SLC39A11: variants seen among roughly 807,000 people sequenced by gnomAD.
The protein encoded by SLC39A11 is zinc transporter ZIP11.
SLC39A11 carries 33 observed loss-of-function variants against 36.1 expected under a neutral mutation model. The observed-to-expected ratio is 0.91, with a 90% CI of 0.69 to 1.22. The LOEUF (loss-of-function observed/expected upper bound fraction) is 1.22. Ranked by LOEUF, SLC39A11 falls within the 50% of genes most tolerant of loss-of-function variation. The pLI is 0.00. For missense variants in SLC39A11, 432 were observed against 430.3 expected (o/e 1.00, Z -0.03); for synonymous variants, 166 against 170.3 (o/e 0.97, Z 0.20).
At chr17:72,796,836 C>T (rs1341630867) in intron 6 of SLC39A11, among the ~76,000 whole-genome samples, 1 of 152,124 alleles carries the variant, frequency 6.6e-6, no homozygotes, top group South Asian at 2.1e-4. Flanking sequence ...CTGTGAAGTG[C>T]TAAGTATGCA....
intron 3 of SLC39A11, among the ~76,000 whole-genome samples, chr17:73,037,549 G>C (rs1360748506): frequency 6.6e-6 from 1 of 152,212 alleles, no homozygotes; most frequent in African/African-American, 2.4e-5. Flanking sequence ...CATAGCCCCG[G>C]ATGGTAGAGA....
At chr17:72,693,173 G>A (rs2072110825) in intron 7 of SLC39A11, among the ~76,000 whole-genome samples, 1 of 152,220 alleles carries the variant, frequency 6.6e-6, no homozygotes, top group East Asian at 1.9e-4. Context: ...TCAAAAGGCT[G>A]AGCCCTCATG....
chr17:72,815,333 G>T (rs1014662949), intron 6 of SLC39A11, among the ~76,000 whole-genome samples: 1 of 152,206 alleles, frequency 6.6e-6, no homozygotes, highest in Non-Finnish European at 1.5e-5. Flanking sequence ...AAAGAATGCA[G>T]GAGAGGCTGG....
intron 6 of SLC39A11, among the ~76,000 whole-genome samples, chr17:72,825,044 C>T (rs552744049): frequency 2.6e-5 from 4 of 151,418 alleles, no homozygotes; most frequent in Admixed American, 6.6e-5. Flanking sequence ...AAAGAGGGGC[C>T]GAATGTTAAT....
At chr17:72,873,772 C>T (rs749635609) in intron 5 of SLC39A11, among the ~76,000 whole-genome samples, 4 of 152,086 alleles carry the variant, frequency 2.6e-5, no homozygotes, top group South Asian at 2.1e-4. Context: ...CTCCCAGAAA[C>T]GGTTTGGCTC....
At chr17:72,971,390 A>G (rs2087441174) in intron 4 of SLC39A11, among the ~76,000 whole-genome samples, 1 of 152,042 alleles carries the variant, frequency 6.6e-6, no homozygotes, top group Admixed American at 6.6e-5. Context: ...GGTGGCAAGA[A>G]AGCAGCTCTG....
chr17:72,953,926 C>T (rs982235274), intron 4 of SLC39A11, among the ~76,000 whole-genome samples: 13 of 152,350 alleles, frequency 8.5e-5, no homozygotes, highest in African/African-American at 2.4e-4. Flanking sequence ...CACCTTCTAT[C>T]GCACGGATTC....
chr17:72,997,009 C>A (rs1448233195), intron 4 of SLC39A11, among the ~76,000 whole-genome samples: 2 of 152,178 alleles, frequency 1.3e-5, no homozygotes, highest in African/African-American at 4.8e-5. Context: ...CGACCATCTG[C>A]AGTCTTGCAG....
At chr17:72,801,982 G>A (rs925656278) in intron 6 of SLC39A11, among the ~76,000 whole-genome samples, 1 of 152,206 alleles carries the variant, frequency 6.6e-6, no homozygotes, top group Non-Finnish European at 1.5e-5. Flanking sequence ...CGAGTCATCT[G>A]TCAAACGAGA....
At chr17:72,882,237 T>A (rs1161227979) in intron 5 of SLC39A11, among the ~76,000 whole-genome samples, 2 of 151,788 alleles carry the variant, frequency 1.3e-5, no homozygotes, top group African/African-American at 4.8e-5. Context: ...ACGTCTGTAG[T>A]CCCAGCCACT....
chr17:72,698,027 A>C (rs531720490), intron 7 of SLC39A11, among the ~76,000 whole-genome samples: 2 of 152,364 alleles, frequency 1.3e-5, no homozygotes, highest in South Asian at 4.1e-4. Flanking sequence ...GGCTAGGAAC[A>C]GAAGCCCATC....
At chr17:72,894,083 T>C (rs1294490362) in intron 5 of SLC39A11, among the ~76,000 whole-genome samples, 1 of 151,970 alleles carries the variant, frequency 6.6e-6, no homozygotes, top group East Asian at 1.9e-4. Context: ...CAGAGGGGGT[T>C]GGGCATGGTG....
intron 4 of SLC39A11, among the ~76,000 whole-genome samples, chr17:73,004,229 AAG>A (rs1491523463): frequency 8.8e-6 from 1 of 114,246 alleles, no homozygotes; most frequent in African/African-American, 3.8e-5. Context: ...GAAAGAAAGA[AAG>A]AAAAGAAAGA....
intron 6 of SLC39A11, among the ~76,000 whole-genome samples, chr17:72,776,610 GAAA>G (rs34044701): frequency 8.3e-6 from 1 of 119,850 alleles, no homozygotes; most frequent in Non-Finnish European, 1.7e-5. Flanking sequence ...ACTTTGCATG[GAAA>G]AAAAAAAAAA....
Position 72,779,647 on chromosome 17 carries a change from C to A in SLC39A11, c.602-42928G>T, listed in dbSNP as rs890403390. Among the ~76,000 whole-genome samples the A allele has an allele frequency of 3.3e-5, 5 of 152,164 alleles. No individual in the cohort carries two copies. In the South Asian group the frequency reaches 1.0e-3, roughly 31 times the overall value. On this transcript the variant is annotated intron_variant, in intron 6 of 9. Transcript: ENST00000255559. ...ATGCTACCAAAAACCTCCACCTTCA[C>A]CCATTCAACATTTTCATGGCAGCAT... is the stretch of plus-strand genomic sequence containing the variant.
chr17:73,086,949 G>A (rs540284773), intron 2 of SLC39A11, among the ~76,000 whole-genome samples: 8 of 151,996 alleles, frequency 5.3e-5, no homozygotes, highest in Non-Finnish European at 1.0e-4. Context: ...CCAGCTACTC[G>A]GGAGGCTGAG....
intron 3 of SLC39A11, among the ~76,000 whole-genome samples, chr17:73,074,883 G>A (rs2060272976): frequency 6.6e-6 from 1 of 152,132 alleles, no homozygotes; most frequent in Non-Finnish European, 1.5e-5. Flanking sequence ...TTTCTTGATT[G>A]GTAAGACTGT....
intron 3 of SLC39A11, among the ~76,000 whole-genome samples, chr17:73,033,448 C>T (rs1359981834): frequency 6.6e-6 from 1 of 152,208 alleles, no homozygotes; most frequent in Non-Finnish European, 1.5e-5. Flanking sequence ...TGAGCTGGCA[C>T]AGTGGTGCAT....
At chr17:72,925,001 CAAAAA>C (rs933053304) in intron 5 of SLC39A11, among the ~76,000 whole-genome samples, 25 of 68,938 alleles carry the variant, frequency 3.6e-4, no homozygotes, top group Non-Finnish European at 6.7e-4. Flanking sequence ...GACTCCATTT[CAAAAA>C]AAAAAAAAAA....
Sources: allele counts gnomAD v4.1 joint callset (sites outside exome capture counted in the v4.1 genomes callset), GRCh38; gene constraint gnomAD v4.1.1; transcripts MANE v1.5; gene names NCBI Gene and HGNC (gene_info 2026-07-23, HGNC 2026-07-21).